CCDC38: variants seen among roughly 807,000 people sequenced by gnomAD.
The protein encoded by CCDC38 is coiled-coil domain-containing protein 38.
In CCDC38, 69 loss-of-function variants were observed where a neutral mutation model predicts 72.8. The observed-to-expected ratio is 0.95, with a 90% CI of 0.78 to 1.16. CCDC38 has a LOEUF of 1.16. Ranked by LOEUF, CCDC38 falls within the 50% of genes most tolerant of loss-of-function variation. CCDC38 has a pLI of 0.00. For synonymous variants in CCDC38, 201 were observed against 213.2 expected (o/e 0.94, Z 0.50); for missense variants, 626 against 638.9 (o/e 0.98, Z 0.22).
chr12:95,913,700 C>T (rs78105921), intron 4 of CCDC38, among the ~76,000 whole-genome samples: 16,514 of 152,044 alleles, frequency 0.11, 1,297 homozygotes, highest in African/African-American at 0.22. Flanking sequence ...CACATAGTAA[C>T]TTCTTAATAA....
rs2080260504 is a variant in CCDC38 at position 95,925,570 on chromosome 12, A to C, written c.38-6594T>G. Among the ~76,000 whole-genome samples, 5 of 152,166 alleles carry C rather than the reference A, an allele frequency of 3.3e-5. No individual in the cohort carries two copies. The South Asian group carries it at 1.0e-3, about 32-fold the overall frequency. On this transcript the variant is annotated intron_variant, in intron 2 of 15. Coordinates refer to ENST00000344280, the MANE Select transcript of CCDC38 (RefSeq NM_182496.3). The stretch of plus-strand genomic sequence containing the variant: ...CTGATTGCCCTGGCCAGAACTTCCA[A>C]CACGATGTTGAATAGTAGTGGTGAG...
At chr12:95,919,398 T>C (rs1253338981) in intron 2 of CCDC38, 1 of 399,476 alleles carries the variant, frequency 2.5e-6, no homozygotes, top group African/African-American at 2.1e-5. Context: ...CAGCTATTGT[T>C]ACAGGGCATA....
chr12:95,932,376 C>T (rs905914348), intron 2 of CCDC38, among the ~76,000 whole-genome samples: 1 of 152,114 alleles, frequency 6.6e-6, no homozygotes, highest in African/African-American at 2.4e-5. Context: ...CCTTCTTTCC[C>T]TCCTTTCTTC....
chr12:95,894,819 A>G (rs1166846117), intron 8 of CCDC38, among the ~76,000 whole-genome samples, 170 bp downstream of exon 8: 7 of 152,220 alleles, frequency 4.6e-5, no homozygotes, highest in Non-Finnish European at 4.4e-5. Flanking sequence ...GACACTTTAT[A>G]TCTGAAATTA....
At chr12:95,918,273 AAAC>A (rs1475827613) in intron 3 of CCDC38, among the ~76,000 whole-genome samples, 5 of 152,136 alleles carry the variant, frequency 3.3e-5, no homozygotes, top group African/African-American at 1.2e-4. Context: ...CAAAATTTGA[AAAC>A]AACACCCCCT....
chr12:95,910,971 A>G (rs759268775), intron 4 of CCDC38, among the ~76,000 whole-genome samples: 7 of 152,218 alleles, frequency 4.6e-5, no homozygotes, highest in Non-Finnish European at 1.0e-4. Context: ...TGGACTCATC[A>G]TATTACCTGA....
At chr12:95,896,119 C>A (rs1445576056) in intron 7 of CCDC38, among the ~76,000 whole-genome samples, 1 of 147,304 alleles carries the variant, frequency 6.8e-6, no homozygotes, top group Non-Finnish European at 1.5e-5. Flanking sequence ...AAGAAAGAAA[C>A]TAACACTTAA....
chr12:95,868,313 G>T (rs2079545457), intron 15 of CCDC38, among the ~76,000 whole-genome samples: 2 of 152,054 alleles, frequency 1.3e-5, no homozygotes, highest in South Asian at 4.1e-4. Context: ...AAAACTCATG[G>T]TCTAGAAGGA....
At chr12:95,874,957 T>A (rs1003308430) in intron 13 of CCDC38, among the ~76,000 whole-genome samples, 1 of 152,194 alleles carries the variant, frequency 6.6e-6, no homozygotes, top group Non-Finnish European at 1.5e-5. Flanking sequence ...GCAGCTGATC[T>A]TCTCCTTGTG....
rs1207314240 is a variant in CCDC38, at chr12:95,890,951, G to GGA, written c.773-23_773-22dup. Reference sequence around the variant, plus strand: ...TAATTCTAGAAATGGCAAATGAAGAGGAGAGAGACAGAGAAAGATGGGGGG... The same window carrying GGA: ...TAATTCTAGAAATGGCAAATGAAGAGGAGAGAGAGACAGAGAAAGATGGGGGG... On this transcript the variant is annotated intron_variant, in intron 8 of 15. Transcript: ENST00000344280. 2.9e-6 allele frequency: 4 copies of GGA among 1,362,518 alleles called. No individual in the cohort carries two copies. The African/African-American group carries it at 5.7e-5, about 20-fold the overall frequency. The allele number at this position is 1,362,518 out of a possible 1,614,324, so 84.4% of individuals were successfully genotyped here. A position where few individuals can be genotyped will look rare whatever the true frequency, so the allele number is the denominator to read the frequency against.
rs145951487 is a variant in CCDC38 at position 95,867,920 on chromosome 12, G to A, written c.1579-731C>T. On this transcript the variant is annotated intron_variant, in intron 15 of 15. Transcript: ENST00000344280. ...TTCAAAAGGCACTATTGACATTGTA[G>A]GACAATTCTTATGTGAGATTGTCCC... 4.3e-3 allele frequency among the ~76,000 whole-genome samples: 654 copies of A among 152,182 alleles called. 3 individuals carry two copies. The highest frequency in any genetic ancestry group is 0.024 in the Middle Eastern group (7 of 294).
At chr12:95,901,670 A>G (rs1053326554) in intron 5 of CCDC38, among the ~76,000 whole-genome samples, 1 of 152,198 alleles carries the variant, frequency 6.6e-6, no homozygotes, top group Non-Finnish European at 1.5e-5. Flanking sequence ...CACAGAAGAT[A>G]GTATTTCAAA....
intron 7 of CCDC38, among the ~76,000 whole-genome samples, chr12:95,896,072 A>G (rs927347654): frequency 1.6e-4 from 24 of 148,690 alleles, no homozygotes; most frequent in Middle Eastern, 3.5e-3. Flanking sequence ...AAAAAAAAAA[A>G]AAAGAAAGTA....
intron 1 of CCDC38, 52 bp downstream of exon 1, chr12:95,942,379 G>C (rs1269131068): frequency 6.7e-6 from 1 of 150,002 alleles, no homozygotes. Flanking sequence ...CACAGCTGAG[G>C]GGTGGGAGGG....
intron 2 of CCDC38, among the ~76,000 whole-genome samples, chr12:95,924,719 A>C (rs1405862520): frequency 3.3e-5 from 5 of 151,260 alleles, no homozygotes; most frequent in Non-Finnish European, 7.4e-5. Flanking sequence ...TTTTTGTATA[A>C]GGGGTAAGGA....
chr12:95,899,157 A>C (rs983832171), intron 5 of CCDC38, among the ~76,000 whole-genome samples: 2 of 152,240 alleles, frequency 1.3e-5, no homozygotes, highest in African/African-American at 2.4e-5. Context: ...CCAGTGATGC[A>C]TTCCTGGGAG....
Position 95,892,763 on chromosome 12 carries a change from G to A in CCDC38, c.773-1833C>T, listed in dbSNP as rs530927579. On this transcript the variant is annotated intron_variant, in intron 8 of 15. Transcript: ENST00000344280. ...TTTTGTATTTTTTAGTAGAGACGGG[G>A]TTTCACCATGTTGGTCAGGCTGGTC... Among the ~76,000 whole-genome samples the A allele has an allele frequency of 4.6e-5, 7 of 151,806 alleles. No homozygotes were observed. The South Asian group carries it at 1.5e-3, about 32-fold the overall frequency.
At chr12:95,893,470 T>TTC (rs796994347) in intron 8 of CCDC38, among the ~76,000 whole-genome samples, 1 of 81,060 alleles carries the variant, frequency 1.2e-5, no homozygotes. Flanking sequence ...CTCTCTCTCT[T>TTC]TCTCTCTCTC....
At position 95,879,832 on chromosome 12, in the gene CCDC38, A is replaced by C. The variant is rs775098046; in HGVS notation, c.991-37T>G. On this transcript the variant is annotated intron_variant, in intron 11 of 15. Transcript: ENST00000344280. The surrounding 1 kb of genome is among the most constrained non-coding windows in gnomAD (Gnocchi z 5.5). ...ATAATGAAGAATATAATTTACTTAA[A>C]AATATGCTACCTATGCACATGTGAC... The C allele has an allele frequency of 1.3e-6, 2 of 1,497,126 alleles. No homozygotes were observed. The highest frequency in any genetic ancestry group is 3.9e-5 in the Admixed American group (2 of 51,508). The allele number at this position is 1,497,126 out of a possible 1,614,324, so 92.7% of individuals were successfully genotyped here. A position where few individuals can be genotyped will look rare whatever the true frequency, so the allele number is the denominator to read the frequency against.
Sources: gnomAD v4.1 joint callset for allele counts (sites outside exome capture counted in the v4.1 genomes callset) on GRCh38, gnomAD v4.1.1 for gene constraint, Gnocchi (gnomAD v3.1) non-coding constraint, MANE v1.5 for transcripts, NCBI Gene and HGNC (gene_info 2026-07-23, HGNC 2026-07-21) for gene names.